Variants in ARHGEF38 observed in about 807,000 individuals in gnomAD.
The protein encoded by ARHGEF38 is Rho guanine nucleotide exchange factor 38.
In ARHGEF38, 79 loss-of-function variants were observed where a neutral mutation model predicts 79.9. The observed-to-expected ratio is 0.99, with a 90% CI of 0.82 to 1.19. The LOEUF (loss-of-function observed/expected upper bound fraction) is 1.19, where lower values mean the gene tolerates loss of function less well. Ranked by LOEUF, ARHGEF38 falls within the 50% of genes most tolerant of loss-of-function variation. ARHGEF38 has a pLI of 0.00. For synonymous variants in ARHGEF38, 366 were observed against 328.3 expected (o/e 1.11, Z -1.24); for missense variants, 962 against 907.2 (o/e 1.06, Z -0.78).
At chr4:105,579,006 A>T (rs2110436178) in intron 1 of ARHGEF38, among the ~76,000 whole-genome samples, 1 of 152,180 alleles carries the variant, frequency 6.6e-6, no homozygotes, top group East Asian at 1.9e-4. Flanking sequence ...TGTGGATTTT[A>T]TGCTGTCAAG....
At chr4:105,553,779 G>A (rs769141243) in intron 1 of ARHGEF38, among the ~76,000 whole-genome samples, 13 of 151,746 alleles carry the variant, frequency 8.6e-5, no homozygotes, top group Non-Finnish European at 1.5e-4. Context: ...TCTTTTCTTC[G>A]GTACTTGTTA....
intron 1 of ARHGEF38, among the ~76,000 whole-genome samples, chr4:105,578,385 A>G (rs1726607296): frequency 6.6e-6 from 1 of 152,202 alleles, no homozygotes; most frequent in Admixed American, 6.5e-5. Flanking sequence ...TGATGAGAAG[A>G]ATGTATATTC....
At chr4:105,622,042 G>C (rs1451880328) in intron 3 of ARHGEF38, among the ~76,000 whole-genome samples, 1 of 152,190 alleles carries the variant, frequency 6.6e-6, no homozygotes, top group Non-Finnish European at 1.5e-5. Flanking sequence ...CTGTAACATG[G>C]GGGTTGGACT....
chr4:105,606,886 A>T (rs1728065445), intron 2 of ARHGEF38, among the ~76,000 whole-genome samples: 1 of 152,168 alleles, frequency 6.6e-6, no homozygotes, highest in South Asian at 2.1e-4. Context: ...GTAGAATTAC[A>T]GGTGACTGTA....
intron 1 of ARHGEF38, among the ~76,000 whole-genome samples, chr4:105,572,988 T>C (rs1359481371): frequency 1.3e-5 from 2 of 152,196 alleles, no homozygotes; most frequent in African/African-American, 2.4e-5. Context: ...TCATGATTAG[T>C]GATGCTGAGC....
At position 105,667,548 on chromosome 4, in the gene ARHGEF38, A is replaced by C. The variant is rs1298791756; in HGVS notation, c.1993A>C (p.Ile665Leu). The change falls in exon 13 of 14, where the codon ATC becomes CTC. Residue 665 changes from isoleucine to leucine, a missense_variant. Coordinates refer to ENST00000420470, the MANE Select transcript of ARHGEF38 (RefSeq NM_001242729.2). Reference protein sequence around the residue: ...NRFCDDDFENISLFVSSRPAS... With the variant: ...NRFCDDDFENLSLFVSSRPAS... ...GTTCTGTGACGATGATTTTGAGAACATCAGCCTCTTCGTGTCTTCACGGCC... is the reference window on the plus strand; with the variant it reads ...GTTCTGTGACGATGATTTTGAGAACCTCAGCCTCTTCGTGTCTTCACGGCC... 12 of 1,536,708 alleles carry C rather than the reference A, an allele frequency of 7.8e-6. No individual in the cohort carries two copies. The highest frequency in any genetic ancestry group is 9.6e-6 in the Non-Finnish European group (11 of 1,147,050).
At position 105,645,365 on chromosome 4, in the gene ARHGEF38, A is replaced by C; in HGVS notation, c.852A>C (p.Glu284Asp). 6.6e-7 allele frequency: 1 copy of C among 1,525,358 alleles called. No individual in the cohort carries two copies. Among genetic ancestry groups the C allele is most frequent in the Non-Finnish European group, 8.7e-7 (1 of 1,143,490 alleles). The allele number at this position is 1,525,358 out of a possible 1,614,324, so 94.5% of individuals were successfully genotyped here. A position where few individuals can be genotyped will look rare whatever the true frequency, so the allele number is the denominator to read the frequency against. ...AGGACATTAATGTTAACATCAATGA[A>C]CTTAAAAGAAGGAAAGATTTAGGTA... ...AVKDINVNIN[E>D]LKRRKDLVLK... Residue 284 changes from glutamate to aspartate, a missense_variant, in exon 6 of 14, where the codon GAA (glutamate) becomes GAC (aspartate). Transcript: ENST00000420470.
At chr4:105,645,431 T>G in intron 6 of ARHGEF38, 44 bp downstream of exon 6, 2 of 1,425,108 alleles carry the variant, frequency 1.4e-6, no homozygotes, top group Non-Finnish European at 1.9e-6. Flanking sequence ...ATTATTGGAG[T>G]GTTTGCTTTA....
At chr4:105,676,134 C>G (rs1277169926) in intron 13 of ARHGEF38, among the ~76,000 whole-genome samples, 2 of 152,202 alleles carry the variant, frequency 1.3e-5, no homozygotes, top group Non-Finnish European at 2.9e-5. Context: ...CCTTTCCACA[C>G]TACGCATTCT....
chr4:105,622,662 G>A (rs916442342), intron 3 of ARHGEF38, among the ~76,000 whole-genome samples: 1 of 152,164 alleles, frequency 6.6e-6, no homozygotes, highest in Non-Finnish European at 1.5e-5. Context: ...ACTGCTTGCT[G>A]CTCCTTCAAC....
intron 3 of ARHGEF38, among the ~76,000 whole-genome samples, chr4:105,626,678 G>A (rs967894602): frequency 1.3e-5 from 2 of 151,920 alleles, no homozygotes; most frequent in African/African-American, 2.4e-5. Context: ...ACTCCTCCCC[G>A]AAATTCCATC....
intron 3 of ARHGEF38, among the ~76,000 whole-genome samples, chr4:105,615,409 C>T (rs1028390367): frequency 2.0e-5 from 3 of 152,100 alleles, no homozygotes; most frequent in African/African-American, 7.2e-5. Flanking sequence ...TGGTAATAAG[C>T]ATTGAGACTA....
In ARHGEF38 at chr4:105,552,753, G is replaced by C; in HGVS notation, c.-13G>C. ...CATTGCCTGCAAGCCTCCAAAGCTT[G>C]TCTTTGCCTAATATGGAGCCCAAAG... On this transcript the variant is annotated 5_prime_UTR_variant, in exon 1 of 14. Coordinates refer to ENST00000420470, the MANE Select transcript of ARHGEF38 (RefSeq NM_001242729.2). The C allele has an allele frequency of 1.9e-6, 3 of 1,599,106 alleles. No homozygotes were observed. In the South Asian group the frequency reaches 3.4e-5, roughly 18 times the overall value.
intron 3 of ARHGEF38, among the ~76,000 whole-genome samples, chr4:105,630,630 C>G (rs1012847204): frequency 6.6e-6 from 1 of 151,802 alleles, no homozygotes; most frequent in Admixed American, 6.6e-5. Context: ...CTGCCCATCT[C>G]TGATAACTTG....
In ARHGEF38 at chr4:105,654,080, T is replaced by C. The variant is rs761744837; in HGVS notation, c.1024T>C (p.Phe342Leu). ...TATATTTTAGGTTAAAGACAATACC[T>C]TTAACAGAGAAGAAAAGCTGTTTAG... ...RGESQVKDNT[F>L]NREEKLFRAL... Residue 342 changes from phenylalanine to leucine, a missense_variant, in exon 8 of 14, where the codon TTT becomes CTT. By Grantham distance (22) the Phe-to-Leu change is conservative. Coordinates refer to ENST00000420470, the MANE Select transcript of ARHGEF38 (RefSeq NM_001242729.2). 2.0e-6 allele frequency: 3 copies of C among 1,507,384 alleles called. No individual in the cohort carries two copies. In the South Asian group the frequency reaches 3.8e-5, roughly 19 times the overall value. 93.4% of individuals were successfully genotyped at this position (1,507,384 alleles called of 1,614,324 possible).
At position 105,667,171 on chromosome 4, in the gene ARHGEF38, C is replaced by A; in HGVS notation, c.1732C>A (p.Leu578Ile). Residue 578 changes from leucine (L) to isoleucine (I), a missense_variant, in exon 12 of 14, where the codon CTA (leucine) becomes ATA (isoleucine). Physicochemically the swap from Leu to Ile is conservative, Grantham distance 5 (BLOSUM62 2). Transcript: ENST00000420470. ...HQTDIHRSKL[L>I]STYSAEELYQ... ...AACTGACATTCATCGCTCCAAACTTCTATCCACATATAGTGCAGAGGAACT... is the reference window on the plus strand; with the variant it reads ...AACTGACATTCATCGCTCCAAACTTATATCCACATATAGTGCAGAGGAACT... The A allele has an allele frequency of 6.5e-7, 1 of 1,535,860 alleles. No homozygotes were observed. Among genetic ancestry groups the A allele is most frequent in the Admixed American group, 2.0e-5 (1 of 50,970 alleles).
At chr4:105,557,607 A>G (rs1169235939) in intron 1 of ARHGEF38, among the ~76,000 whole-genome samples, 1 of 151,646 alleles carries the variant, frequency 6.6e-6, no homozygotes, top group Non-Finnish European at 1.5e-5. Flanking sequence ...TTAAAAAAAA[A>G]AAAAAAAGGC....
At chr4:105,642,862 T>C (rs1228076759) in intron 5 of ARHGEF38, among the ~76,000 whole-genome samples, 4 of 152,170 alleles carry the variant, frequency 2.6e-5, no homozygotes, top group Non-Finnish European at 5.9e-5. Context: ...TTTCAAAGAT[T>C]AAATAAGTTA....
chr4:105,562,274 G>A (rs77145627), intron 1 of ARHGEF38, among the ~76,000 whole-genome samples: 2 of 151,952 alleles, frequency 1.3e-5, no homozygotes, highest in African/African-American at 4.8e-5. Context: ...TCTATTTTTG[G>A]CTTTTGCTGT....
Sources: gnomAD v4.1 joint callset for allele counts (sites outside exome capture counted in the v4.1 genomes callset) on GRCh38, gnomAD v4.1.1 for gene constraint, MANE v1.5 for transcripts, NCBI Gene and HGNC (gene_info 2026-07-23, HGNC 2026-07-21) for gene names.